The following GLYAT variants were observed in gnomAD, a reference collection of about 807,000 sequenced individuals.
GLYAT encodes glycine-N-acyltransferase, also known as glycine N-acyltransferase.
GLYAT carries 25 observed loss-of-function variants against 22.8 expected under a neutral mutation model. The ratio of observed to expected loss-of-function variants is 1.09; its 90% CI spans 0.80 to 1.53. The LOEUF is 1.53. GLYAT is among the 40% of genes most tolerant of loss of function. GLYAT has a pLI of 0.00. For synonymous variants in GLYAT, 140 were observed against 122.7 expected, an observed-to-expected ratio of 1.14 and a Z score of -0.93; for missense variants, 411 against 353.9, an observed-to-expected ratio of 1.16 and a Z score of -1.29.
chr11:58,724,584 C>A (rs1373169827), intron 1 of GLYAT, 73 bp from the exon 2 acceptor site: 7 of 664,284 alleles, frequency 1.1e-5, no homozygotes, highest in South Asian at 6.3e-5. Flanking sequence ...GTAGCAAGTT[C>A]TTTATTAATG....
In GLYAT at chr11:58,710,168, G is replaced by T. The variant is rs1336320305; in HGVS notation, c.489C>A (p.Ile163=). 1.2e-6 allele frequency: 2 copies of T among 1,607,830 alleles called. No individual in the cohort carries two copies. The highest frequency in any genetic ancestry group is 2.2e-5 in the South Asian group (2 of 90,262). The change falls in exon 6 of 6, where the codon ATC becomes ATA. Residue 163 remains isoleucine (I), a splice_region_variant and synonymous_variant. Coordinates refer to ENST00000344743, the MANE Select transcript of GLYAT (RefSeq NM_201648.3). The part of the protein sequence containing the change: ...LSPNGGKPKA[I]NQEMFKLSSM... ...ATGAGAGTTTAAACATCTCTTGGTT[G>T]CTATGGAGGGTCCAAGAAGAAAACA...
rs529683588 is a variant in GLYAT, at chr11:58,714,456, TA to T, written c.189+859del. On this transcript the variant is annotated intron_variant, in intron 3 of 5. Transcript: ENST00000344743. ...GTTAATTGTTTAGTTTCAATAATTT[TA>T]AGTGTTTCCTCAAATGTGTATAGAA... Among the ~76,000 whole-genome samples the T allele has an allele frequency of 4.6e-4, 70 of 152,316 alleles. No homozygotes were observed. The South Asian group carries it at 9.3e-3, about 20-fold the overall frequency.
chr11:58,710,188 A>G lies in GLYAT; in HGVS notation c.489-20T>C. The G allele has an allele frequency of 1.3e-6, 2 of 1,591,926 alleles. No homozygotes were observed. The highest frequency in any genetic ancestry group is 1.7e-6 in the Non-Finnish European group (2 of 1,168,968). ...TGGTTGCTATGGAGGGTCCAAGAAG[A>G]AAACAAAATCCATTAGTATAAAGGT... On this transcript the variant is annotated intron_variant, in intron 5 of 5. Transcript: ENST00000344743.
At chr11:58,713,099 C>T (rs1856637038) in intron 3 of GLYAT, among the ~76,000 whole-genome samples, 2 of 151,970 alleles carry the variant, frequency 1.3e-5, no homozygotes, top group African/African-American at 2.4e-5. Flanking sequence ...TAGTTTTCAT[C>T]ATCCAGAATA....
chr11:58,713,432 G>T lies in GLYAT; in HGVS notation c.190-546C>A, dbSNP rs116407653. On this transcript the variant is annotated intron_variant, in intron 3 of 5. Coordinates refer to ENST00000344743, the MANE Select transcript of GLYAT (RefSeq NM_201648.3). ...CATCCTCAACAGGAAGAAGAGAAAG[G>T]CAATTGACAAGGGAAAGCTTATGTC... Among the ~76,000 whole-genome samples, 466 of 152,138 alleles carry T rather than the reference G, an allele frequency of 3.1e-3. 5 individuals carry two copies. Among genetic ancestry groups the T allele is most frequent in the African/African-American group, 0.011 (444 of 41,544 alleles).
At position 58,728,053 on chromosome 11, in the gene GLYAT, C is replaced by CTTT. The variant is rs1173955703; in HGVS notation, c.-15-3545_-15-3543dup. ...AGTTCTTTTCCTTCTTGCTCTAAAGCTTTTTTTTTTTTTTTTTTTTTTTTT... is the reference window on the plus strand; with the variant it reads ...AGTTCTTTTCCTTCTTGCTCTAAAGCTTTTTTTTTTTTTTTTTTTTTTTTTTTT... On this transcript the variant is annotated intron_variant, in intron 1 of 5. Transcript: ENST00000344743. 5.2e-3 allele frequency among the ~76,000 whole-genome samples: 357 copies of CTTT among 68,682 alleles called. 76 individuals carry two copies. The highest frequency in any genetic ancestry group is 0.01 in the East Asian group (25 of 2,400). The allele number at this position is 68,682 out of a possible 152,430, so 45.1% of individuals were successfully genotyped here.
At chr11:58,720,201 G>T (rs767729247) in intron 2 of GLYAT, among the ~76,000 whole-genome samples, 1 of 151,516 alleles carries the variant, frequency 6.6e-6, no homozygotes, top group Admixed American at 6.6e-5. Context: ...CACACACACA[G>T]TTTTGTTTAT....
At chr11:58,720,302 A>C in intron 2 of GLYAT, among the ~76,000 whole-genome samples, 1 of 152,144 alleles carries the variant, frequency 6.6e-6, no homozygotes, top group South Asian at 2.1e-4. Context: ...ATAATTTCAT[A>C]CTCTAAATTA....
At chr11:58,719,692 A>C (rs1856725707) in intron 2 of GLYAT, among the ~76,000 whole-genome samples, 1 of 151,956 alleles carries the variant, frequency 6.6e-6, no homozygotes, top group Admixed American at 6.6e-5. Context: ...AATTGCTGTC[A>C]GTGTTTAAAA....
Position 58,724,503 on chromosome 11 carries a change from T to C in GLYAT, c.-7A>G. 2.5e-6 allele frequency: 4 copies of C among 1,572,276 alleles called. No homozygotes were observed. Among genetic ancestry groups the C allele is most frequent in the Non-Finnish European group, 3.5e-6 (4 of 1,147,768 alleles). ...CTTGCAATGGTAACATCATGGAGGATACCTTAGCCTAGAAAGACAACCAAG... is the reference window on the plus strand; with the variant it reads ...CTTGCAATGGTAACATCATGGAGGACACCTTAGCCTAGAAAGACAACCAAG... On this transcript the variant is annotated 5_prime_UTR_variant, in exon 2 of 6. Transcript: ENST00000344743.
At chr11:58,721,928 C>T (rs1209213203) in intron 2 of GLYAT, among the ~76,000 whole-genome samples, 2 of 151,876 alleles carry the variant, frequency 1.3e-5, no homozygotes, top group African/African-American at 4.8e-5. Flanking sequence ...GCAAAACTAA[C>T]AATGATCACC....
At chr11:58,730,892 G>A (rs1424942981) in intron 1 of GLYAT, among the ~76,000 whole-genome samples, 1 of 152,136 alleles carries the variant, frequency 6.6e-6, no homozygotes, top group Non-Finnish European at 1.5e-5. Context: ...ACAGAGTGAT[G>A]CAACCCTAAG....
chr11:58,718,221 A>G (rs907572325), intron 2 of GLYAT, among the ~76,000 whole-genome samples: 4 of 152,230 alleles, frequency 2.6e-5, no homozygotes, highest in African/African-American at 9.6e-5. Context: ...AAATAAATGT[A>G]TTACCATAAG....
At chr11:58,712,373 A>G (rs1856626328) in intron 4 of GLYAT, among the ~76,000 whole-genome samples, 1 of 152,170 alleles carries the variant, frequency 6.6e-6, no homozygotes, top group Non-Finnish European at 1.5e-5. Context: ...CAGAGAGCAT[A>G]GTTGGAACCA....
chr11:58,719,820 A>G (rs1856727129), intron 2 of GLYAT, among the ~76,000 whole-genome samples: 1 of 152,034 alleles, frequency 6.6e-6, no homozygotes, highest in Non-Finnish European at 1.5e-5. Flanking sequence ...TTAATTAAAA[A>G]ATTTTATCTC....
intron 2 of GLYAT, among the ~76,000 whole-genome samples, chr11:58,720,273 G>T (rs890843057): frequency 9.2e-5 from 14 of 151,818 alleles, no homozygotes; most frequent in African/African-American, 3.4e-4. Flanking sequence ...ATAATGAAAT[G>T]TCTATTATTT....
At position 58,711,872 on chromosome 11, in the gene GLYAT, T is replaced by C. The variant is rs117503344; in HGVS notation, c.316+888A>G. On this transcript the variant is annotated intron_variant, in intron 4 of 5. Coordinates refer to ENST00000344743, the MANE Select transcript of GLYAT (RefSeq NM_201648.3). ...CTGCCCCATTGGGGCTTTCCCTTTG[T>C]TTTTGCTCCTGGTTAAGACCAATTA... is the stretch of plus-strand genomic sequence containing the variant. 5.3e-4 allele frequency among the ~76,000 whole-genome samples: 81 copies of C among 152,352 alleles called. No individual in the cohort carries two copies. The Middle Eastern group carries it at 0.027, about 51-fold the overall frequency.
intron 2 of GLYAT, among the ~76,000 whole-genome samples, chr11:58,720,926 T>G (rs1257772688): frequency 6.6e-6 from 1 of 152,084 alleles, no homozygotes; most frequent in Non-Finnish European, 1.5e-5. Flanking sequence ...AGCTTATTTA[T>G]TAAAGATTTT....
chr11:58,720,616 A>G (rs990682979), intron 2 of GLYAT, among the ~76,000 whole-genome samples: 1 of 151,956 alleles, frequency 6.6e-6, no homozygotes, highest in Non-Finnish European at 1.5e-5. Context: ...CTCCTTATTG[A>G]CTGTGGACCA....
Sources: gnomAD v4.1 joint callset for allele counts (sites outside exome capture counted in the v4.1 genomes callset) on GRCh38, gnomAD v4.1.1 for gene constraint, MANE v1.5 for transcripts, NCBI Gene and HGNC (gene_info 2026-07-23, HGNC 2026-07-21) for gene names.